The following CELF2 variants were observed in gnomAD, a reference collection of about 807,000 sequenced individuals.
CELF2 encodes the protein CUGBP Elav-like family member 2.
A neutral mutation model predicts 62.6 loss-of-function variants in CELF2; 8 were observed. The observed-to-expected ratio is 0.13, with a 90% CI of 0.07 to 0.23. The LOEUF is 0.23. CELF2 is among the 10% of genes least tolerant of loss of function. The probability of loss-of-function intolerance (pLI) is 1.00; values close to 1 mark genes in which losing one functional copy is unlikely to be tolerated. For missense variants in CELF2, 333 were observed against 671.0 expected, an observed-to-expected ratio of 0.50 and a Z score of 5.56; for synonymous variants, 258 against 250.0, an observed-to-expected ratio of 1.03 and a Z score of -0.30.
the CELF2 span, among the ~76,000 whole-genome samples, chr10:10,693,750 G>T: frequency 1.3e-5 from 2 of 151,498 alleles, no homozygotes; most frequent in Admixed American, 1.3e-4. Flanking sequence ...GAGAGTGTAT[G>T]TGTCGAGGAA....
rs1213551350 is a variant in CELF2 at position 11,270,375 on chromosome 10, G to A, written c.619-291G>A. On this transcript the variant is annotated intron_variant, in intron 6 of 12. Coordinates refer to ENST00000633077, the MANE Select transcript of CELF2 (RefSeq NM_001326342.2). The surrounding 1 kb of genome is among the most constrained non-coding windows in gnomAD (Gnocchi z 5.8). Reference sequence around the variant, plus strand: ...GGTCTGTTGTCTGTAAGGAGGTCCTGCAAGGTTGAAGGAAGACACAGGAAG... The same window carrying A: ...GGTCTGTTGTCTGTAAGGAGGTCCTACAAGGTTGAAGGAAGACACAGGAAG... Among the ~76,000 whole-genome samples the A allele has an allele frequency of 6.6e-6, 1 of 152,148 alleles. No individual in the cohort carries two copies. The highest frequency in any genetic ancestry group is 1.5e-5 in the Non-Finnish European group (1 of 68,022).
chr10:11,164,092 T>C (rs2066365776), intron 1 of CELF2, among the ~76,000 whole-genome samples: 1 of 152,216 alleles, frequency 6.6e-6, no homozygotes, highest in South Asian at 2.1e-4. Context: ...GTGGGTCTGC[T>C]CATGGAGGAG....
intron 1 of CELF2, among the ~76,000 whole-genome samples, chr10:10,805,706 T>A (rs931053099): frequency 1.3e-5 from 2 of 152,138 alleles, no homozygotes; most frequent in Non-Finnish European, 2.9e-5. Flanking sequence ...GGAGGCCTAG[T>A]TGAGAAGAGC....
intron 4 of CELF2, 94 bp from the exon 5 acceptor site, chr10:11,257,644 A>C: frequency 6.9e-7 from 1 of 1,448,996 alleles, no homozygotes; most frequent in African/African-American, 1.4e-5. Flanking sequence ...TTGGTCTCAC[A>C]TGGCTGGGGC....
chr10:10,639,194 AT>A, the CELF2 span, among the ~76,000 whole-genome samples: 4 of 152,132 alleles, frequency 2.6e-5, no homozygotes, highest in African/African-American at 9.7e-5. Flanking sequence ...ACATGGTGAA[AT>A]TTTTTCTAAG....
the CELF2 span, among the ~76,000 whole-genome samples, chr10:10,565,702 T>TAGG: frequency 6.6e-6 from 1 of 152,236 alleles, no homozygotes; most frequent in Non-Finnish European, 1.5e-5. Context: ...ATTTTGGACT[T>TAGG]ACAGACTTCC....
the CELF2 span, among the ~76,000 whole-genome samples, chr10:10,501,824 A>G: frequency 6.2e-4 from 94 of 152,316 alleles, no homozygotes; most frequent in African/African-American, 2.1e-3. Flanking sequence ...GAGTGGTGAG[A>G]GCAGACATTT....
intron 3 of CELF2, among the ~76,000 whole-genome samples, chr10:11,231,146 C>T (rs1206691894): frequency 4.6e-5 from 7 of 152,190 alleles, no homozygotes; most frequent in African/African-American, 1.7e-4. Context: ...AAGATTTCCC[C>T]TTGAGTGAGT....
intron 1 of CELF2, among the ~76,000 whole-genome samples, chr10:10,898,507 G>T (rs12412349): frequency 6.6e-6 from 1 of 151,990 alleles, no homozygotes; most frequent in African/African-American, 2.4e-5. Flanking sequence ...CAGAGCAAAG[G>T]CTATTGCCAG....
the CELF2 span, among the ~76,000 whole-genome samples, chr10:10,583,613 C>T: frequency 6.6e-6 from 1 of 152,188 alleles, no homozygotes; most frequent in African/African-American, 2.4e-5. Context: ...GACTGGAAAT[C>T]AGTTTCTTTC....
At chr10:10,651,445 T>C in the CELF2 span, among the ~76,000 whole-genome samples, 7 of 136,848 alleles carry the variant, frequency 5.1e-5, no homozygotes, top group Non-Finnish European at 9.7e-5. Context: ...AAGACAGCAG[T>C]AACCTCTGCA....
At chr10:11,141,395 A>G (rs1423851235) in intron 1 of CELF2, among the ~76,000 whole-genome samples, 22 of 152,244 alleles carry the variant, frequency 1.4e-4, no homozygotes, top group Admixed American at 1.4e-3. Context: ...TCGGAGGGGT[A>G]GGATGGGAAG....
At chr10:10,749,706 T>C in the CELF2 span, among the ~76,000 whole-genome samples, 4 of 152,192 alleles carry the variant, frequency 2.6e-5, no homozygotes, top group East Asian at 7.7e-4. Context: ...TATTTAAAGA[T>C]TGCAAGTAAT....
intron 1 of CELF2, among the ~76,000 whole-genome samples, chr10:11,120,824 T>G (rs17375715): frequency 0.3 from 45,888 of 152,108 alleles, 7,095 homozygotes; most frequent in Middle Eastern, 0.36. Flanking sequence ...ATAGTGAGAC[T>G]TACGGCAGCA....
chr10:10,722,860 A>G, the CELF2 span, among the ~76,000 whole-genome samples: 110 of 152,338 alleles, frequency 7.2e-4, 1 homozygote, highest in African/African-American at 2.5e-3. Context: ...TGACTGGGGC[A>G]GAGTGACAGC....
At chr10:10,929,598 T>TA (rs1254796957) in intron 2 of CELF2, 3 of 152,272 alleles carry the variant, frequency 2.0e-5, no homozygotes, top group Non-Finnish European at 4.4e-5. Context: ...TTCAGCCACT[T>TA]ACTTGTTCTT....
intron 2 of CELF2, among the ~76,000 whole-genome samples, chr10:10,989,800 A>G (rs931714021): frequency 6.6e-6 from 1 of 152,068 alleles, no homozygotes; most frequent in Non-Finnish European, 1.5e-5. Context: ...CAACTTGATT[A>G]AAAAAACAGT....
chr10:10,505,615 C>T, the CELF2 span, among the ~76,000 whole-genome samples: 2 of 152,082 alleles, frequency 1.3e-5, no homozygotes, highest in African/African-American at 4.8e-5. Context: ...GACACCACCC[C>T]CCTGGGGCCC....
the CELF2 span, among the ~76,000 whole-genome samples, chr10:10,682,520 T>C: frequency 6.6e-6 from 1 of 152,244 alleles, no homozygotes; most frequent in Non-Finnish European, 1.5e-5. Context: ...TTGCGCAGAC[T>C]GAAGGTGTTC....
Sources: gnomAD v4.1 joint callset for allele counts (sites outside exome capture counted in the v4.1 genomes callset) on GRCh38, gnomAD v4.1.1 for gene constraint, Gnocchi (gnomAD v3.1) non-coding constraint, MANE v1.5 for transcripts, NCBI Gene and HGNC (gene_info 2026-07-23, HGNC 2026-07-21) for gene names.